Variants in GPR158 observed in about 807,000 individuals in gnomAD.
GPR158 encodes G protein-coupled receptor 158.
Under a neutral mutation model 78.2 loss-of-function variants are expected in GPR158, and 30 were observed. The ratio of observed to expected loss-of-function variants is 0.38; its 90% CI spans 0.29 to 0.52. The LOEUF is 0.52. GPR158 is among the 20% of genes least tolerant of loss of function. GPR158 has a pLI of 0.83. For synonymous variants in GPR158, 581 were observed against 591.1 expected (o/e 0.98, Z 0.25); for missense variants, 1,463 against 1,523.5 (o/e 0.96, Z 0.66).
At chr10:25,394,739 T>C (rs1443014559) in intron 2 of GPR158, among the ~76,000 whole-genome samples, 1 of 152,178 alleles carries the variant, frequency 6.6e-6, no homozygotes, top group African/African-American at 2.4e-5. Context: ...GATTTCTTGC[T>C]GCATCTCTGA....
At chr10:25,344,439 G>T (rs980890858) in intron 2 of GPR158, among the ~76,000 whole-genome samples, 8 of 151,704 alleles carry the variant, frequency 5.3e-5, no homozygotes, top group Admixed American at 3.3e-4. Context: ...CAATGTTCAA[G>T]TATATGGTAT....
At chr10:25,387,361 T>C (rs1834235899) in intron 2 of GPR158, among the ~76,000 whole-genome samples, 1 of 152,206 alleles carries the variant, frequency 6.6e-6, no homozygotes, top group Non-Finnish European at 1.5e-5. Flanking sequence ...TAATGTCTGT[T>C]GAATTTCTGG....
chr10:25,218,998 T>C (rs1853259742), intron 1 of GPR158, among the ~76,000 whole-genome samples: 1 of 152,178 alleles, frequency 6.6e-6, no homozygotes, highest in Non-Finnish European at 1.5e-5. Flanking sequence ...TTCTGGCACA[T>C]AGTAAGCACT....
intron 2 of GPR158, among the ~76,000 whole-genome samples, chr10:25,318,200 C>G (rs1854889188): frequency 1.3e-5 from 2 of 151,968 alleles, no homozygotes; most frequent in Non-Finnish European, 1.5e-5. Flanking sequence ...ATGTGTCTTC[C>G]AGTTTTTTAA....
intron 3 of GPR158, among the ~76,000 whole-genome samples, chr10:25,405,273 C>T (rs1834497533): frequency 6.6e-6 from 1 of 151,790 alleles, no homozygotes; most frequent in African/African-American, 2.4e-5. Flanking sequence ...ACTAATTTTT[C>T]ATTAATTATA....
intron 4 of GPR158, among the ~76,000 whole-genome samples, chr10:25,458,428 G>C (rs1835318094): frequency 6.6e-6 from 1 of 152,152 alleles, no homozygotes; most frequent in Non-Finnish European, 1.5e-5. Flanking sequence ...AAATCACTGA[G>C]GGTCAGATTG....
chr10:25,469,229 G>A lies in GPR158; in HGVS notation c.1404+2510G>A, dbSNP rs571063390. ...CTCAAAGTTTAAGTACTATTTATAT[G>A]CCAATGACTGCTGAATTTATATCTC... On this transcript the variant is annotated intron_variant, in intron 5 of 10. Transcript: ENST00000376351. 3.3e-5 allele frequency among the ~76,000 whole-genome samples: 5 copies of A among 152,152 alleles called. No homozygotes were observed. In the South Asian group the frequency reaches 1.0e-3, roughly 32 times the overall value.
intron 2 of GPR158, among the ~76,000 whole-genome samples, chr10:25,390,581 G>C (rs1328540568): frequency 3.3e-5 from 5 of 152,192 alleles, no homozygotes; most frequent in Non-Finnish European, 5.9e-5. Flanking sequence ...TTTCTAAGCA[G>C]CAAGGTGATC....
intron 5 of GPR158, among the ~76,000 whole-genome samples, chr10:25,510,754 A>T (rs1836074408): frequency 6.6e-6 from 1 of 152,132 alleles, no homozygotes; most frequent in Non-Finnish European, 1.5e-5. Context: ...ACGCCTTTGC[A>T]TCCTCCTAGC....
chr10:25,360,537 G>A (rs978793554), intron 2 of GPR158, among the ~76,000 whole-genome samples: 1 of 151,316 alleles, frequency 6.6e-6, no homozygotes, highest in Non-Finnish European at 1.5e-5. Flanking sequence ...TTTTTGTCGG[G>A]TTTGTCAAAG....
chr10:25,394,153 A>G (rs913987488), intron 2 of GPR158, among the ~76,000 whole-genome samples: 5 of 152,218 alleles, frequency 3.3e-5, no homozygotes, highest in African/African-American at 1.2e-4. Context: ...CGCTGGAGTC[A>G]TCCTTTATTT....
intron 5 of GPR158, among the ~76,000 whole-genome samples, chr10:25,514,812 G>A (rs1014966884): frequency 2.6e-5 from 4 of 152,036 alleles, no homozygotes; most frequent in African/African-American, 9.7e-5. Context: ...GCTGATAACT[G>A]TTTTTGTTTA....
At chr10:25,596,865 T>C (rs568398073) in intron 10 of GPR158, 76 bp downstream of exon 10, 2 of 1,270,466 alleles carry the variant, frequency 1.6e-6, no homozygotes, top group South Asian at 2.6e-5. Flanking sequence ...TGGGTTGGGG[T>C]GCGTGTGTGC....
chr10:25,502,560 G>A (rs894619759), intron 5 of GPR158, among the ~76,000 whole-genome samples: 1 of 152,100 alleles, frequency 6.6e-6, no homozygotes, highest in South Asian at 2.1e-4. Context: ...TTCCTGCTGG[G>A]TAATGAAGCA....
intron 1 of GPR158, among the ~76,000 whole-genome samples, chr10:25,181,209 A>G (rs1165824059): frequency 1.3e-5 from 2 of 152,230 alleles, no homozygotes. Context: ...GTTACAGATT[A>G]AAAGGTTTTC....
rs563439865 is a variant in GPR158 at position 25,576,388 on chromosome 10, T to TAAC, written c.1753+3503_1753+3505dup. Among the ~76,000 whole-genome samples, 825 of 152,330 alleles carry TAAC rather than the reference T, an allele frequency of 5.4e-3. 4 individuals are homozygous for TAAC. The highest frequency in any genetic ancestry group is 0.01 in the Middle Eastern group (3 of 294). On this transcript the variant is annotated intron_variant, in intron 7 of 10. Transcript: ENST00000376351. ...TACTCCCTCTACAATAGCTCTTTAGTAACATAGACTGTTTTCATTGTACTT... is the reference window on the plus strand; with the variant it reads ...TACTCCCTCTACAATAGCTCTTTAGTAACAACATAGACTGTTTTCATTGTACTT...
At chr10:25,220,125 TG>T (rs1404098319) in intron 1 of GPR158, among the ~76,000 whole-genome samples, 1 of 152,182 alleles carries the variant, frequency 6.6e-6, no homozygotes, top group Non-Finnish European at 1.5e-5. Context: ...TAGTTTGTAG[TG>T]GGGTATATAT....
intron 4 of GPR158, among the ~76,000 whole-genome samples, chr10:25,424,543 T>G (rs10828797): frequency 0.69 from 102,694 of 147,922 alleles, 36,549 homozygotes; most frequent in Non-Finnish European, 0.79. Flanking sequence ...TTTAATCCAT[T>G]TTGAATTAAT....
intron 7 of GPR158, among the ~76,000 whole-genome samples, chr10:25,579,322 A>C (rs1564496112): frequency 6.6e-6 from 1 of 152,194 alleles, no homozygotes; most frequent in Non-Finnish European, 1.5e-5. Flanking sequence ...AGTAGAATTG[A>C]CTTCTCATGC....
Sources: gnomAD v4.1 joint callset for allele counts (sites outside exome capture counted in the v4.1 genomes callset) on GRCh38, gnomAD v4.1.1 for gene constraint, MANE v1.5 for transcripts, NCBI Gene and HGNC (gene_info 2026-07-23, HGNC 2026-07-21) for gene names.